TRPM1: variants seen among roughly 807,000 people sequenced by gnomAD.
TRPM1 encodes TRPM1-203 APA Isoform, Intron 10.
Under a neutral mutation model 149.4 loss-of-function variants are expected in TRPM1, and 113 were observed. The observed-to-expected ratio is 0.76, with a 90% CI of 0.65 to 0.88. The LOEUF (loss-of-function observed/expected upper bound fraction) is 0.88, where lower values mean the gene tolerates loss of function less well. Ranked by LOEUF, TRPM1 falls within the 40% of genes least tolerant of loss-of-function variation. The pLI, the probability that TRPM1 is intolerant of heterozygous loss-of-function variation, is 0.00. For synonymous variants in TRPM1, 741 were observed against 759.5 expected (o/e 0.98, Z 0.40); for missense variants, 1,976 against 2,038.7 (o/e 0.97, Z 0.59).
At chr15:31,072,489 G>A (rs1306949965) in intron 3 of TRPM1, among the ~76,000 whole-genome samples, 1 of 152,110 alleles carries the variant, frequency 6.6e-6, no homozygotes, top group African/African-American at 2.4e-5. Context: ...GAATATTTAT[G>A]TAACAAGTTT....
chr15:31,027,182 C>G (rs1478747252), intron 25 of TRPM1, 65 bp from the exon 26 acceptor site: 1 of 1,472,298 alleles, frequency 6.8e-7, no homozygotes, highest in Non-Finnish European at 9.4e-7. Context: ...CCAGAGCAGT[C>G]AAAGTTACTC....
intron 4 of TRPM1, among the ~76,000 whole-genome samples, chr15:31,068,491 C>G (rs2034443941): frequency 6.6e-6 from 1 of 151,822 alleles, no homozygotes; most frequent in South Asian, 2.1e-4. Context: ...CCTGTAATCC[C>G]AGCACTTTGG....
chr15:31,088,526 C>T (rs1044877166), intron 1 of TRPM1, among the ~76,000 whole-genome samples: 3 of 152,178 alleles, frequency 2.0e-5, no homozygotes, highest in Admixed American at 6.5e-5. Context: ...GGATGCGCCA[C>T]CTTTAAGAGC....
chr15:31,066,911 T>A lies in TRPM1; in HGVS notation c.618+152A>T. ...ACAGTATCCGGGTTGTGATCTTGCA[T>A]TATGGTTTTGCAAGATGTTACCATT... On this transcript the variant is annotated intron_variant, in intron 6 of 27. Coordinates refer to ENST00000256552, the MANE Select transcript of TRPM1 (RefSeq NM_001252024.2). 3.0e-6 allele frequency: 3 copies of A among 1,008,258 alleles called. No individual in the cohort carries two copies. In the South Asian group the frequency reaches 4.2e-5, roughly 14 times the overall value. 62.5% of individuals were successfully genotyped at this position (1,008,258 alleles called of 1,614,324 possible).
At chr15:31,056,155 C>T (rs979186784) in intron 11 of TRPM1, among the ~76,000 whole-genome samples, 3 of 151,798 alleles carry the variant, frequency 2.0e-5, no homozygotes, top group African/African-American at 7.3e-5. Flanking sequence ...AATAAAAAAC[C>T]GAAAATGGAC....
chr15:31,135,199 G>A (rs763276077), intron 1 of TRPM1, among the ~76,000 whole-genome samples: 1 of 151,970 alleles, frequency 6.6e-6, no homozygotes, highest in African/African-American at 2.4e-5. Context: ...AAACACTGAC[G>A]AAAACCCTAG....
chr15:31,123,173 G>A (rs79438549), intron 1 of TRPM1, among the ~76,000 whole-genome samples: 2,366 of 152,234 alleles, frequency 0.016, 62 homozygotes, highest in African/African-American at 0.054. Context: ...ACCTTACACC[G>A]TTCACAAAAA....
At chr15:31,085,588 G>A (rs2034978351) in intron 1 of TRPM1, among the ~76,000 whole-genome samples, 1 of 152,204 alleles carries the variant, frequency 6.6e-6, no homozygotes, top group Admixed American at 6.5e-5. Context: ...CGCATGTGTT[G>A]ATGTCCTAAT....
chr15:31,048,632 C>T (rs149466495), intron 13 of TRPM1, among the ~76,000 whole-genome samples: 2 of 152,054 alleles, frequency 1.3e-5, no homozygotes, highest in East Asian at 3.9e-4. Flanking sequence ...GGCAACATGT[C>T]GAAACCCTGT....
chr15:31,001,780 G>A lies in TRPM1; in HGVS notation c.*42C>T, dbSNP rs2031769928. The A allele has an allele frequency of 6.3e-7, 1 of 1,588,692 alleles. No individual in the cohort carries two copies. Among genetic ancestry groups the A allele is most frequent in the African/African-American group, 1.3e-5 (1 of 74,148 alleles). ...GATGGCCAAGATGACACCCATTAGT[G>A]GTTCTGACTGTTAAAAAAAAAAATT... On this transcript the variant is annotated 3_prime_UTR_variant, in exon 28 of 28. Transcript: ENST00000256552.
chr15:31,145,930 C>A (rs12148889), intron 1 of TRPM1, among the ~76,000 whole-genome samples: 21,953 of 147,810 alleles, frequency 0.15, 1,929 homozygotes, highest in African/African-American at 0.25. Context: ...AAAAAAAAAA[C>A]AAAAACAAAA....
At chr15:31,041,829 T>A (rs2033625769) in intron 17 of TRPM1, 122 bp downstream of exon 17, 1 of 1,115,662 alleles carries the variant, frequency 9.0e-7, no homozygotes, top group East Asian at 2.4e-5. Flanking sequence ...CGAAGTGATT[T>A]GTGAACAAGC....
intron 1 of TRPM1, among the ~76,000 whole-genome samples, chr15:31,089,522 C>T (rs1164401545): frequency 6.6e-6 from 1 of 152,232 alleles, no homozygotes; most frequent in East Asian, 1.9e-4. Flanking sequence ...TGTGCAATAG[C>T]ACATTCCCGG....
intron 11 of TRPM1, among the ~76,000 whole-genome samples, chr15:31,057,657 C>T (rs11853585): frequency 0.034 from 5,235 of 151,840 alleles, 184 homozygotes; most frequent in African/African-American, 0.089. Context: ...GCCCTAGCTC[C>T]CCACAGGGTA....
At chr15:31,095,876 G>T (rs1286485598) in intron 1 of TRPM1, among the ~76,000 whole-genome samples, 2 of 150,666 alleles carry the variant, frequency 1.3e-5, no homozygotes, top group East Asian at 3.9e-4. Context: ...AAACCCCATC[G>T]CTACTAAAAA....
At chr15:31,131,789 C>CA (rs1389237841) in intron 1 of TRPM1, among the ~76,000 whole-genome samples, 2 of 152,156 alleles carry the variant, frequency 1.3e-5, no homozygotes, top group Non-Finnish European at 2.9e-5. Flanking sequence ...CTTGGGCCCC[C>CA]AGCTGTTTTC....
chr15:31,148,291 G>C (rs1173770925), intron 1 of TRPM1, among the ~76,000 whole-genome samples: 1 of 152,198 alleles, frequency 6.6e-6, no homozygotes, highest in Admixed American at 6.5e-5. Context: ...TTGATCTTGG[G>C]AAATGTGTTA....
chr15:31,009,667 A>G (rs756627358), intron 27 of TRPM1, among the ~76,000 whole-genome samples: 16 of 152,108 alleles, frequency 1.1e-4, no homozygotes, highest in Non-Finnish European at 2.1e-4. Context: ...GGACTCTTAT[A>G]ATACAAATGT....
rs539466465 is a variant in TRPM1, at chr15:31,119,905, C to T, written c.54+41001G>A. ...AGAACGTGGAATTTTATAAAATGCT[C>T]AATTGAAACTAGAGAAGGCAGAAAA... is the stretch of plus-strand genomic sequence containing the variant. On this transcript the variant is annotated intron_variant, in intron 1 of 26. Transcript: ENST00000542188. Among the ~76,000 whole-genome samples the T allele has an allele frequency of 4.6e-5, 7 of 151,912 alleles. No homozygotes were observed. The East Asian group carries it at 1.4e-3, about 29-fold the overall frequency.
Sources: gnomAD v4.1 joint callset for allele counts (sites outside exome capture counted in the v4.1 genomes callset) on GRCh38, gnomAD v4.1.1 for gene constraint, MANE v1.5 for transcripts, NCBI Gene and HGNC (gene_info 2026-07-23, HGNC 2026-07-21) for gene names.